HBS1L: variants seen among roughly 807,000 people sequenced by gnomAD.
The protein encoded by HBS1L is HBS1-like protein.
A neutral mutation model predicts 88.9 loss-of-function variants in HBS1L; 55 were observed. The observed-to-expected ratio is 0.62, with a 90% confidence interval of 0.50 to 0.77. HBS1L has a LOEUF of 0.77. Among genes scored for constraint, HBS1L ranks in the 30% least tolerant of loss-of-function variants. The pLI is 0.00. For missense variants in HBS1L, 741 were observed against 829.3 expected (o/e 0.89, Z 1.31); for synonymous variants, 267 against 288.5 (o/e 0.93, Z 0.76).
intron 8 of HBS1L, among the ~76,000 whole-genome samples, chr6:134,991,082 CAT>C (rs370931237): frequency 0.032 from 4,626 of 144,924 alleles, 238 homozygotes; most frequent in African/African-American, 0.11. Flanking sequence ...CACACACACA[CAT>C]ATACACATAT....
intron 4 of HBS1L, among the ~76,000 whole-genome samples, chr6:135,009,672 T>C (rs914895228): frequency 1.3e-5 from 2 of 152,146 alleles, no homozygotes; most frequent in East Asian, 3.9e-4. Context: ...CTCGCTCTGT[T>C]GCCCAGGCTG....
intron 4 of HBS1L, among the ~76,000 whole-genome samples, chr6:135,031,147 A>G (rs142702887): frequency 6.6e-6 from 1 of 152,234 alleles, no homozygotes; most frequent in East Asian, 1.9e-4. Flanking sequence ...CAAATAAAAG[A>G]TATTAGATAA....
At chr6:135,037,153 A>G (rs1255503162) in intron 4 of HBS1L, 1 of 1,551,772 alleles carries the variant, frequency 6.4e-7, no homozygotes, top group East Asian at 2.4e-5. Flanking sequence ...CAATGACGAC[A>G]GAGATCCTGT....
At chr6:135,048,717 G>A (rs958496585) in intron 2 of HBS1L, among the ~76,000 whole-genome samples, 10 of 152,136 alleles carry the variant, frequency 6.6e-5, no homozygotes, top group African/African-American at 2.4e-4. Context: ...AACAACTTTT[G>A]ATGTTAAATG....
rs926730165 is a variant in HBS1L, at chr6:134,962,672, A to G, written c.*2607T>C. 1.3e-5 allele frequency: 2 copies of G among 152,094 alleles called. No individual in the cohort carries two copies. Among genetic ancestry groups the G allele is most frequent in the Non-Finnish European group, 2.9e-5 (2 of 68,044 alleles). The allele number at this position is 152,094 out of a possible 1,614,324, so 9.4% of individuals were successfully genotyped here. ...GTTAACTGCTCAGAAGAATCTCACAAAGAGTCAAAGTCAGAGGACAAAGCC... is the reference window on the plus strand; with the variant it reads ...GTTAACTGCTCAGAAGAATCTCACAGAGAGTCAAAGTCAGAGGACAAAGCC... On this transcript the variant is annotated 3_prime_UTR_variant, in exon 18 of 18. Coordinates refer to ENST00000367837, the MANE Select transcript of HBS1L (RefSeq NM_006620.4).
rs201583429 is a variant in HBS1L, at chr6:135,039,653, G to A, written c.350C>T (p.Ser117Leu). The change falls in exon 4 of 18, where the codon TCA becomes TTA. Residue 117 changes from serine to leucine, a missense_variant. Physicochemically the swap from Ser to Leu is moderately radical, Grantham distance 145 (BLOSUM62 -2). Around this residue, in one of 3 missense-constraint regions of HBS1L, gnomAD observed 556 missense variants for 598.4 expected, o/e 0.93. Transcript: ENST00000367837. ...CACTCTATCTTGTTCCAGAACCCCT[G>A]ACAAAGCCTTCTGCACATCAAACTT... ...KNKFDVQKAL[S>L]GVLEQDRVQS... 8.2e-5 allele frequency: 133 copies of A among 1,613,918 alleles called. No individual in the cohort carries two copies. The highest frequency in any genetic ancestry group is 1.1e-4 in the Non-Finnish European group (127 of 1,179,974).
Position 135,054,754 on chromosome 6 carries a change from T to C in HBS1L, c.-63A>G. ...CTTCCAAAACACTCCGCTTAGATAC[T>C]GATAAGGCGCCAACTGCAGCCTGGA... On this transcript the variant is annotated 5_prime_UTR_variant, in exon 1 of 18. Coordinates refer to ENST00000367837, the MANE Select transcript of HBS1L (RefSeq NM_006620.4). 6.3e-7 allele frequency: 1 copy of C among 1,594,266 alleles called. No individual in the cohort carries two copies.
intron 4 of HBS1L, among the ~76,000 whole-genome samples, chr6:135,016,379 G>A (rs923979491): frequency 2.0e-5 from 3 of 152,174 alleles, no homozygotes; most frequent in African/African-American, 4.8e-5. Flanking sequence ...TTCATTTTCT[G>A]CTTAACAAAG....
intron 4 of HBS1L, among the ~76,000 whole-genome samples, chr6:135,028,326 A>G (rs575981356): frequency 6.6e-6 from 1 of 152,008 alleles, no homozygotes; most frequent in Non-Finnish European, 1.5e-5. Context: ...AACCATACTG[A>G]AAATGAGAAT....
At chr6:134,971,536 G>A (rs1774487431) in intron 15 of HBS1L, among the ~76,000 whole-genome samples, 1 of 152,146 alleles carries the variant, frequency 6.6e-6, no homozygotes, top group Non-Finnish European at 1.5e-5. Context: ...ATGGACAAAG[G>A]ATGGGTTGTG....
At position 134,982,495 on chromosome 6, in the gene HBS1L, T is replaced by TTTGGATATAACC; in HGVS notation, c.1559_1560insGGTTATATCCAA (p.Leu520_Leu521insValIleSerLys). 1 of 1,611,244 alleles carries TTTGGATATAACC rather than the reference T, an allele frequency of 6.2e-7. No homozygotes were observed. Among genetic ancestry groups the TTTGGATATAACC allele is most frequent in the Non-Finnish European group, 8.5e-7 (1 of 1,177,858 alleles). The stretch of plus-strand genomic sequence containing the variant: ...AAGTTTCATTAGGAGGCATTGCCAG[T>TTTGGATATAACC]AGTCGGTCACCAGTTTGGATATAAC... On this transcript the variant is annotated inframe_insertion, in exon 13 of 18. Transcript: ENST00000367837.
At chr6:135,050,304 A>C (rs1022669522) in intron 2 of HBS1L, among the ~76,000 whole-genome samples, 1 of 152,222 alleles carries the variant, frequency 6.6e-6, no homozygotes, top group African/African-American at 2.4e-5. Flanking sequence ...TGACTAAATT[A>C]CCATTTTAGT....
intron 2 of HBS1L, among the ~76,000 whole-genome samples, chr6:135,045,117 G>A (rs73774553): frequency 0.038 from 5,323 of 141,440 alleles, 325 homozygotes; most frequent in African/African-American, 0.13. Flanking sequence ...CGCTGCAAAA[G>A]TAACCGCAGG....
chr6:134,978,072 AATGTCTAGGATCCCCAGACATTTACTGT>A (rs1420152694), intron 15 of HBS1L, among the ~76,000 whole-genome samples: 1 of 152,012 alleles, frequency 6.6e-6, no homozygotes, highest in African/African-American at 2.4e-5. Context: ...AGCACAACTG[AATGTCTAGGATCCCCAGACATTTACTGT>A]ATGTCTAGGA....
At chr6:134,968,343 G>A (rs1197582244) in intron 16 of HBS1L, among the ~76,000 whole-genome samples, 3 of 151,944 alleles carry the variant, frequency 2.0e-5, no homozygotes, top group African/African-American at 7.3e-5. Flanking sequence ...CCGCCCACCG[G>A]GTTCAAGAGA....
Position 135,038,053 on chromosome 6 carries a change from C to T in HBS1L, c.430+1520G>A, listed in dbSNP as rs757509742. ...TTACCTTACAAGAGCCATTAATTTT[C>T]AGATGAATAGGTTGATATACGCAGA... On this transcript the variant is annotated intron_variant, in intron 4 of 17. Transcript: ENST00000367837. 2.4e-5 allele frequency: 35 copies of T among 1,451,950 alleles called. No individual in the cohort carries two copies. In the African/African-American group the frequency reaches 4.7e-4, roughly 20 times the overall value. The allele number at this position is 1,451,950 out of a possible 1,614,324, so 89.9% of individuals were successfully genotyped here.
At chr6:134,999,205 C>T (rs1775375921) in intron 5 of HBS1L, among the ~76,000 whole-genome samples, 2 of 152,074 alleles carry the variant, frequency 1.3e-5, no homozygotes, top group South Asian at 4.1e-4. Flanking sequence ...CAGAGGCAAG[C>T]TTGCATTAAA....
intron 4 of HBS1L, among the ~76,000 whole-genome samples, chr6:135,026,418 A>G (rs1026546263): frequency 6.6e-6 from 1 of 152,206 alleles, no homozygotes; most frequent in Non-Finnish European, 1.5e-5. Context: ...TTTCCAAGTT[A>G]TCAAAGAACA....
At chr6:134,972,370 T>A (rs956798779) in intron 15 of HBS1L, among the ~76,000 whole-genome samples, 6 of 152,166 alleles carry the variant, frequency 3.9e-5, no homozygotes, top group Non-Finnish European at 8.8e-5. Flanking sequence ...TCTTTTCAAC[T>A]CATCGTGCTG....
Sources: allele counts gnomAD v4.1 joint callset (sites outside exome capture counted in the v4.1 genomes callset), GRCh38; gene constraint gnomAD v4.1.1; regional missense constraint gnomAD v4.1.1; transcripts MANE v1.5; gene names NCBI Gene and HGNC (gene_info 2026-07-23, HGNC 2026-07-21).